RAB36: variants seen among roughly 807,000 people sequenced by gnomAD.
RAB36 encodes ras-related protein Rab-36.
In RAB36, 33 loss-of-function variants were observed where a neutral mutation model predicts 39.3. The observed-to-expected ratio is 0.84, with a 90% CI of 0.64 to 1.12. RAB36 has a LOEUF of 1.12. Ranked by LOEUF, RAB36 falls within the 50% of genes most tolerant of loss-of-function variation. The pLI, the probability that RAB36 is intolerant of heterozygous loss-of-function variation, is 0.00. For missense variants in RAB36, 308 were observed against 355.3 expected (o/e 0.87, Z 1.07); for synonymous variants, 133 against 140.2 (o/e 0.95, Z 0.36).
intron 10 of RAB36, 117 bp from the exon 11 acceptor site, chr22:23,161,383 G>C: frequency 1.0e-6 from 1 of 975,166 alleles, no homozygotes; most frequent in Non-Finnish European, 1.6e-6. Context: ...TTCAGGCCTT[G>C]AACAGCAGGC....
intron 2 of RAB36, among the ~76,000 whole-genome samples, chr22:23,147,802 G>A (rs776979767): frequency 6.6e-6 from 1 of 152,230 alleles, no homozygotes; most frequent in African/African-American, 2.4e-5. Context: ...ACAGACATGA[G>A]GAAGAATGAG....
chr22:23,166,147 T>TAAAAAAAAAAAAA (rs695297), downstream of RAB36, among the ~76,000 whole-genome samples: 5 of 59,886 alleles, frequency 8.3e-5, no homozygotes, highest in African/African-American at 3.6e-4. Context: ...CTCTGTCTTT[T>TAAAAAAAAAAAAA]AAAAAAAAAA....
At chr22:23,150,334 C>T (rs918698618) in intron 3 of RAB36, among the ~76,000 whole-genome samples, 180 bp downstream of exon 3, 3 of 145,464 alleles carry the variant, frequency 2.1e-5, no homozygotes, top group Non-Finnish European at 4.5e-5. Context: ...CAGAGTCTCG[C>T]TCTGTCGCCC....
intron 2 of RAB36, among the ~76,000 whole-genome samples, chr22:23,147,412 C>T (rs2070848910): frequency 1.3e-5 from 2 of 152,074 alleles, no homozygotes; most frequent in Admixed American, 1.3e-4. Context: ...TAATTCACTC[C>T]TCTAACTCCT....
chr22:23,152,893 C>A, intron 4 of RAB36, 140 bp from the exon 5 acceptor site: 1 of 672,194 alleles, frequency 1.5e-6, no homozygotes, highest in Non-Finnish European at 2.6e-6. Context: ...GGCTGCCCTG[C>A]CCACCCATGG....
Position 23,162,051 on chromosome 22 carries a change from G to T in RAB36, c.*487G>T. On this transcript the variant is annotated 3_prime_UTR_variant, in exon 11 of 11. Transcript: ENST00000263116. ...TCAGCACCTGAAGGAGAGGCCACCT[G>T]CCATTCCCCCTGGGAGTTTTCTGTT... 5.9e-6 allele frequency: 1 copy of T among 169,238 alleles called. No individual in the cohort carries two copies. 10.5% of individuals were successfully genotyped at this position (169,238 alleles called of 1,614,324 possible). A position where few individuals can be genotyped will look rare whatever the true frequency, so the allele number is the denominator to read the frequency against.
intron 6 of RAB36, among the ~76,000 whole-genome samples, chr22:23,157,166 G>A (rs1045862172): frequency 2.4e-4 from 36 of 152,310 alleles, no homozygotes; most frequent in African/African-American, 7.2e-4. Context: ...CTGGCTCCCC[G>A]GAAGTTGTTT....
In RAB36 at chr22:23,162,986, A is replaced by G. The variant is rs5996474; in HGVS notation, c.*1422A>G. On this transcript the variant is annotated 3_prime_UTR_variant, in exon 11 of 11. Transcript: ENST00000263116. ...GAGTGCAATGGCGTAATCTCGGCTC[A>G]GTGCAACCTCTGCCTCCCAGGTTGA... 41 of 318,688 alleles carry G rather than the reference A, an allele frequency of 1.3e-4. No individual in the cohort carries two copies. The highest frequency in any genetic ancestry group is 8.7e-4 in the African/African-American group (39 of 45,082). The allele number at this position is 318,688 out of a possible 1,614,324, so 19.7% of individuals were successfully genotyped here.
chr22:23,167,131 T>C (rs903553476), downstream of RAB36, among the ~76,000 whole-genome samples: 1 of 151,998 alleles, frequency 6.6e-6, no homozygotes, highest in African/African-American at 2.4e-5. Flanking sequence ...CCAACCCCAC[T>C]TGGAGTCTAA....
chr22:23,150,304 CTTTTT>C, intron 3 of RAB36, 150 bp downstream of exon 3: 7 of 444,488 alleles, frequency 1.6e-5, no homozygotes, highest in East Asian at 4.2e-5. Context: ...TTTTTTTTTT[CTTTTT>C]TTTTTTTTTT....
At chr22:23,154,878 C>A (rs1181753733) in intron 5 of RAB36, among the ~76,000 whole-genome samples, 1 of 152,200 alleles carries the variant, frequency 6.6e-6, no homozygotes, top group Non-Finnish European at 1.5e-5. Flanking sequence ...GTAATCCCAG[C>A]ACTTTGGGAG....
chr22:23,158,154 C>A, intron 7 of RAB36, 111 bp downstream of exon 7: 1 of 1,536,658 alleles, frequency 6.5e-7, no homozygotes, highest in Non-Finnish European at 8.7e-7. Context: ...TGTGAGTGAC[C>A]AGGGCCCCTT....
chr22:23,158,593 G>T (rs77617494), intron 7 of RAB36, among the ~76,000 whole-genome samples: 1 of 152,238 alleles, frequency 6.6e-6, no homozygotes, highest in East Asian at 1.9e-4. Context: ...GGAGGCGGGG[G>T]TGATGGTTCT....
At chr22:23,146,022 C>G (rs959870524) in intron 1 of RAB36, 192 of 984,802 alleles carry the variant, frequency 1.9e-4, no homozygotes, top group Non-Finnish European at 2.2e-4. Context: ...TGCCTCACAG[C>G]CCAGTAAGGT....
At chr22:23,152,571 G>C in intron 4 of RAB36, 45 bp downstream of exon 4, 1 of 1,581,380 alleles carries the variant, frequency 6.3e-7, no homozygotes, top group Non-Finnish European at 8.7e-7. Flanking sequence ...CCCAGCACCA[G>C]GTTGTCATAC....
intron 9 of RAB36, among the ~76,000 whole-genome samples, 158 bp from the exon 10 acceptor site, chr22:23,160,721 G>A (rs1465424073): frequency 6.6e-6 from 1 of 152,154 alleles, no homozygotes; most frequent in Non-Finnish European, 1.5e-5. Flanking sequence ...GTGTGAGTGG[G>A]TGGGGCTGTG....
At chr22:23,154,630 G>A (rs1281464110) in intron 5 of RAB36, among the ~76,000 whole-genome samples, 1 of 152,178 alleles carries the variant, frequency 6.6e-6, no homozygotes, top group African/African-American at 2.4e-5. Flanking sequence ...TCATTAGAGG[G>A]CCCTGGACAA....
At chr22:23,157,375 C>T (rs368807887) in intron 6 of RAB36, among the ~76,000 whole-genome samples, 168 of 152,168 alleles carry the variant, frequency 1.1e-3, no homozygotes, top group African/African-American at 3.8e-3. Flanking sequence ...CTCAGCCTCC[C>T]GAGTAGCTGG....
At chr22:23,156,298 G>A (rs1048208115) in intron 6 of RAB36, 4 of 382,628 alleles carry the variant, frequency 1.0e-5, no homozygotes, top group African/African-American at 6.5e-5. Flanking sequence ...TCATAAAGAT[G>A]CTCAGAGATG....
Sources: allele counts gnomAD v4.1 joint callset (sites outside exome capture counted in the v4.1 genomes callset), GRCh38; gene constraint gnomAD v4.1.1; transcripts MANE v1.5; gene names NCBI Gene and HGNC (gene_info 2026-07-23, HGNC 2026-07-21).